The following SETBP1 variants were observed in gnomAD, a reference collection of about 807,000 sequenced individuals.
SETBP1 encodes SET binding protein 1, also known as SET-binding protein.
In SETBP1, 9 loss-of-function variants were observed where a neutral mutation model predicts 101.0. The ratio of observed to expected loss-of-function variants is 0.09; its 90% confidence interval spans 0.05 to 0.16. The LOEUF is 0.16. SETBP1 is among the 10% of genes least tolerant of loss of function. The pLI, the probability that SETBP1 is intolerant of heterozygous loss-of-function variation, is 1.00. For synonymous variants in SETBP1, 818 were observed against 788.5 expected, an observed-to-expected ratio of 1.04 and a Z score of -0.63; for missense variants, 1,858 against 2,033.8, an observed-to-expected ratio of 0.91 and a Z score of 1.66.
chr18:44,973,159 C>G (rs1043431368), intron 4 of SETBP1, among the ~76,000 whole-genome samples: 3 of 152,122 alleles, frequency 2.0e-5, no homozygotes, highest in Non-Finnish European at 4.4e-5. Context: ...CGTTGGTTCT[C>G]TTTATATGCT....
intron 2 of SETBP1, among the ~76,000 whole-genome samples, chr18:44,792,651 C>T (rs932238253): frequency 1.3e-5 from 2 of 152,214 alleles, no homozygotes; most frequent in Non-Finnish European, 2.9e-5. Context: ...CCACTTCCAC[C>T]TCTCCTCTGC....
chr18:45,052,704 A>C (rs1426208414), intron 5 of SETBP1, among the ~76,000 whole-genome samples: 3 of 152,200 alleles, frequency 2.0e-5, no homozygotes, highest in Non-Finnish European at 4.4e-5. Flanking sequence ...ATTGGTGTGA[A>C]TTGCTTGTTG....
intron 2 of SETBP1, among the ~76,000 whole-genome samples, chr18:44,718,583 A>G (rs1375253770): frequency 6.6e-6 from 1 of 152,190 alleles, no homozygotes; most frequent in Non-Finnish European, 1.5e-5. Flanking sequence ...TCATTCATTC[A>G]TTTATTCACT....
At chr18:44,735,748 C>T (rs9944865) in intron 2 of SETBP1, among the ~76,000 whole-genome samples, 2,136 of 152,288 alleles carry the variant, frequency 0.014, 65 homozygotes, top group African/African-American at 0.048. Context: ...GTCTCACCTA[C>T]GCCTACTAGT....
chr18:44,943,830 CTTTTTTTTTCT>C (rs1568229838), intron 3 of SETBP1, among the ~76,000 whole-genome samples: 4 of 117,490 alleles, frequency 3.4e-5, no homozygotes, highest in Admixed American at 2.9e-4. Context: ...TTTCTTTTTT[CTTTTTTTTTCT>C]TTTTTTTTTT....
At chr18:44,943,784 A>G (rs1471842563) in intron 3 of SETBP1, among the ~76,000 whole-genome samples, 1 of 151,916 alleles carries the variant, frequency 6.6e-6, no homozygotes, top group Admixed American at 6.5e-5. Flanking sequence ...TTGGAATCCC[A>G]CAGTGGGAGG....
intron 3 of SETBP1, among the ~76,000 whole-genome samples, chr18:44,872,861 A>G (rs140649596): frequency 6.4e-4 from 97 of 152,344 alleles, no homozygotes; most frequent in African/African-American, 2.3e-3. Context: ...TGTGACAACG[A>G]ACGTCCACCA....
intron 4 of SETBP1, among the ~76,000 whole-genome samples, chr18:44,981,218 A>C (rs985259438): frequency 5.3e-5 from 8 of 152,162 alleles, no homozygotes; most frequent in Non-Finnish European, 7.4e-5. Context: ...AGAGGCCCAA[A>C]ACTGCAGCCA....
intron 3 of SETBP1, among the ~76,000 whole-genome samples, chr18:44,935,860 G>C (rs1030637432): frequency 1.6e-4 from 25 of 152,052 alleles, no homozygotes; most frequent in Admixed American, 1.5e-3. Context: ...GCCTTTCAAG[G>C]GGCTACAGGT....
At chr18:44,861,774 T>C (rs1173236546) in intron 2 of SETBP1, among the ~76,000 whole-genome samples, 1 of 152,174 alleles carries the variant, frequency 6.6e-6, no homozygotes. Context: ...TCTACCAGAT[T>C]TACCTATGTA....
At chr18:44,770,830 G>A (rs1486049497) in intron 2 of SETBP1, among the ~76,000 whole-genome samples, 1 of 152,028 alleles carries the variant, frequency 6.6e-6, no homozygotes, top group Admixed American at 6.5e-5. Flanking sequence ...TTGGATTCCA[G>A]AAGGCATTCT....
At chr18:44,841,233 G>C (rs2072609972) in intron 2 of SETBP1, among the ~76,000 whole-genome samples, 1 of 152,092 alleles carries the variant, frequency 6.6e-6, no homozygotes, top group South Asian at 2.1e-4. Flanking sequence ...TTCCAGGGTG[G>C]CTCATTCACA....
chr18:44,858,267 T>C (rs1366896395), intron 2 of SETBP1, among the ~76,000 whole-genome samples: 1 of 152,366 alleles, frequency 6.6e-6, no homozygotes, highest in East Asian at 1.9e-4. Flanking sequence ...GCCAGCTGTC[T>C]CAGTCCTCAA....
chr18:44,708,644 G>A (rs1455574756), intron 2 of SETBP1, among the ~76,000 whole-genome samples: 1 of 152,060 alleles, frequency 6.6e-6, no homozygotes, highest in African/African-American at 2.4e-5. Flanking sequence ...CTTGGAGATG[G>A]GGAGCCCTGG....
At chr18:45,041,633 G>A (rs1433641867) in intron 5 of SETBP1, among the ~76,000 whole-genome samples, 1 of 152,166 alleles carries the variant, frequency 6.6e-6, no homozygotes, top group Admixed American at 6.5e-5. Context: ...AGAAGGTACT[G>A]AAGTAATTCA....
intron 3 of SETBP1, among the ~76,000 whole-genome samples, chr18:44,946,902 G>A (rs2071220103): frequency 6.6e-6 from 1 of 152,184 alleles, no homozygotes; most frequent in Non-Finnish European, 1.5e-5. Flanking sequence ...CAGAGAATAA[G>A]AAATTAGGCT....
chr18:44,734,665 C>T (rs771073764), intron 2 of SETBP1, among the ~76,000 whole-genome samples: 19 of 152,230 alleles, frequency 1.2e-4, no homozygotes, highest in Non-Finnish European at 2.4e-4. Context: ...TGAAGAATCC[C>T]CTTCCTTCCT....
At chr18:44,730,780 G>A (rs976660859) in intron 2 of SETBP1, among the ~76,000 whole-genome samples, 3 of 152,214 alleles carry the variant, frequency 2.0e-5, no homozygotes, top group East Asian at 3.8e-4. Flanking sequence ...GTTTCTAGAT[G>A]ATAAGATTGT....
At chr18:44,962,347 G>A (rs1013779386) in intron 4 of SETBP1, among the ~76,000 whole-genome samples, 3 of 152,178 alleles carry the variant, frequency 2.0e-5, no homozygotes, top group Non-Finnish European at 2.9e-5. Flanking sequence ...GTTGAGTGGG[G>A]ATGGATTTTT....
Sources: allele counts gnomAD v4.1 joint callset (sites outside exome capture counted in the v4.1 genomes callset), GRCh38; gene constraint gnomAD v4.1.1; transcripts MANE v1.5; gene names NCBI Gene and HGNC (gene_info 2026-07-23, HGNC 2026-07-21).